The following CCDC192 variants were observed in gnomAD, a reference collection of about 807,000 sequenced individuals.
CCDC192 encodes the protein coiled-coil domain containing 192, also known as coiled-coil domain-containing protein 192.
At position 127,834,976 on chromosome 5, in the gene CCDC192, G is replaced by A. The variant is rs185870674; in HGVS notation, c.411+36814G>A. 3.1e-3 allele frequency among the ~76,000 whole-genome samples: 478 copies of A among 152,258 alleles called. 1 individual carries two copies. The highest frequency in any genetic ancestry group is 0.011 in the African/African-American group (460 of 41,552). On this transcript the variant is annotated intron_variant, in intron 5 of 6. Coordinates refer to ENST00000514853, the MANE Select transcript of CCDC192 (RefSeq NM_001317938.2). Reference sequence around the variant, plus strand: ...AAACTTGACATGAAAATATTAAAATGAAATGGTTCCAAAACATTTTCTTTC... The same window carrying A: ...AAACTTGACATGAAAATATTAAAATAAAATGGTTCCAAAACATTTTCTTTC...
chr5:127,938,158 T>A (rs752808638), intron 6 of CCDC192, among the ~76,000 whole-genome samples: 2 of 152,004 alleles, frequency 1.3e-5, no homozygotes, highest in Non-Finnish European at 2.9e-5. Context: ...GTTTAAGGAG[T>A]AGCTTAGGGA....
intron 6 of CCDC192, among the ~76,000 whole-genome samples, chr5:127,879,629 C>T (rs1752264093): frequency 1.8e-5 from 1 of 55,008 alleles, no homozygotes; most frequent in Admixed American, 2.2e-4. Flanking sequence ...GCAAAAGAAA[C>T]TACCATCAGA....
intron 2 of CCDC192, among the ~76,000 whole-genome samples, chr5:127,744,464 G>C (rs955920327): frequency 1.3e-5 from 2 of 152,168 alleles, no homozygotes; most frequent in Non-Finnish European, 2.9e-5. Flanking sequence ...CCACTGAGCA[G>C]GGGCTGCTGC....
At chr5:127,715,625 A>G (rs1751585022) in intron 2 of CCDC192, among the ~76,000 whole-genome samples, 1 of 152,196 alleles carries the variant, frequency 6.6e-6, no homozygotes, top group East Asian at 1.9e-4. Context: ...GAAGGATACC[A>G]TTGGTATTTT....
rs555886334 is a variant in CCDC192, at chr5:127,860,384, A to T, written c.412-15154A>T. 1.6e-4 allele frequency among the ~76,000 whole-genome samples: 25 copies of T among 152,322 alleles called. 2 individuals carry two copies. The South Asian group carries it at 5.2e-3, about 32-fold the overall frequency. ...AATTTTCTCTGCTTTGGAAAGTTTA[A>T]CCCGGTGAGAAAAACATGCAAGTCT... On this transcript the variant is annotated intron_variant, in intron 5 of 6. Coordinates refer to ENST00000514853, the MANE Select transcript of CCDC192 (RefSeq NM_001317938.2).
At chr5:127,910,269 T>C (rs1378531914) in intron 6 of CCDC192, among the ~76,000 whole-genome samples, 1 of 152,218 alleles carries the variant, frequency 6.6e-6, no homozygotes, top group Non-Finnish European at 1.5e-5. Context: ...AGATCACTGC[T>C]TGGTGGGTCC....
At chr5:127,900,826 T>A (rs563784553) in intron 6 of CCDC192, among the ~76,000 whole-genome samples, 18 of 152,328 alleles carry the variant, frequency 1.2e-4, no homozygotes, top group African/African-American at 4.3e-4. Context: ...AAAATTCTTT[T>A]TTATTAAAGC....
intron 6 of CCDC192, among the ~76,000 whole-genome samples, chr5:127,880,822 A>T (rs1333553464): frequency 6.6e-6 from 1 of 151,786 alleles, no homozygotes; most frequent in African/African-American, 2.4e-5. Flanking sequence ...TCTACCAAAA[A>T]TACAAAAACT....
chr5:127,853,548 A>G (rs1429835177), intron 5 of CCDC192, among the ~76,000 whole-genome samples: 2 of 152,170 alleles, frequency 1.3e-5, no homozygotes, highest in Non-Finnish European at 2.9e-5. Context: ...TGATTCGGGC[A>G]GATCACCTGA....
At chr5:127,704,967 G>C (rs185568126) in intron 1 of CCDC192, among the ~76,000 whole-genome samples, 7 of 152,038 alleles carry the variant, frequency 4.6e-5, no homozygotes, top group Non-Finnish European at 1.0e-4. Context: ...AAAGCGGAAA[G>C]ACATTTCATT....
intron 2 of CCDC192, among the ~76,000 whole-genome samples, chr5:127,724,648 A>G (rs1029605916): frequency 3.8e-4 from 58 of 152,170 alleles, no homozygotes; most frequent in African/African-American, 1.3e-3. Context: ...CAACAGATCA[A>G]GATCATCCTG....
Position 127,741,803 on chromosome 5 carries a change from A to G in CCDC192, c.115-12465A>G, listed in dbSNP as rs1414484565. Among the ~76,000 whole-genome samples the G allele has an allele frequency of 4.6e-5, 7 of 152,328 alleles. No homozygotes were observed. The South Asian group carries it at 1.2e-3, about 27-fold the overall frequency. On this transcript the variant is annotated intron_variant, in intron 2 of 6. Transcript: ENST00000514853. ...GTTTATACAAGGTCTCTAAGAGCCT[A>G]TAAAGCAATGTTACTAGAGATAGAC...
rs1041662400 is a variant in CCDC192 at position 127,922,786 on chromosome 5, C to T, written c.536-18396C>T. On this transcript the variant is annotated intron_variant, in intron 6 of 6. Transcript: ENST00000514853. ...AAGCAAGGAGGAAAGAAAGCTTAAA[C>T]ATCAATTGCATAGCTCACTCACTTA... 2.8e-4 allele frequency among the ~76,000 whole-genome samples: 42 copies of T among 152,324 alleles called. 1 individual carries two copies. The highest frequency in any genetic ancestry group is 2.5e-3 in the Admixed American group (38 of 15,304).
intron 6 of CCDC192, among the ~76,000 whole-genome samples, chr5:127,912,151 C>T (rs1438763033): frequency 2.7e-5 from 4 of 150,220 alleles, no homozygotes; most frequent in South Asian, 2.1e-4. Context: ...AGGCTGGTCT[C>T]GAACTCCTGA....
intron 3 of CCDC192, among the ~76,000 whole-genome samples, chr5:127,772,247 G>A (rs1412644002): frequency 6.6e-6 from 1 of 152,062 alleles, no homozygotes; most frequent in Non-Finnish European, 1.5e-5. Context: ...GATCACTTGA[G>A]ATCAGGAGTT....
intron 5 of CCDC192, among the ~76,000 whole-genome samples, chr5:127,842,080 A>T (rs1399025121): frequency 6.6e-5 from 10 of 152,354 alleles, no homozygotes; most frequent in Admixed American, 3.3e-4. Flanking sequence ...CGGAGGTGCC[A>T]GCTCCTCTGA....
At chr5:127,845,340 G>A (rs1750485346) in intron 5 of CCDC192, among the ~76,000 whole-genome samples, 1 of 152,142 alleles carries the variant, frequency 6.6e-6, no homozygotes, top group Non-Finnish European at 1.5e-5. Context: ...GAGAGCTTGA[G>A]GGGCATGTGC....
intron 5 of CCDC192, among the ~76,000 whole-genome samples, chr5:127,820,169 T>C (rs1328999457): frequency 2.0e-5 from 3 of 152,260 alleles, no homozygotes; most frequent in Non-Finnish European, 4.4e-5. Context: ...CATTTCATTC[T>C]TATTACATTT....
At chr5:127,839,022 C>T (rs73783994) in intron 5 of CCDC192, among the ~76,000 whole-genome samples, 4 of 152,278 alleles carry the variant, frequency 2.6e-5, no homozygotes, top group African/African-American at 9.6e-5. Context: ...ATGGTTTTCA[C>T]CTGAACCCTG....
Sources: gnomAD v4.1 joint callset for allele counts (sites outside exome capture counted in the v4.1 genomes callset) on GRCh38, gnomAD v4.1.1 for gene constraint, MANE v1.5 for transcripts, NCBI Gene and HGNC (gene_info 2026-07-23, HGNC 2026-07-21) for gene names.